Variants in TENM2 observed in about 807,000 individuals in gnomAD.
TENM2 encodes teneurin transmembrane protein 2.
In TENM2, 52 loss-of-function variants were observed where a neutral mutation model predicts 245.2. That is an observed-to-expected ratio of 0.21 (90% CI 0.17 to 0.27). The LOEUF is 0.27. TENM2 is among the 10% of genes least tolerant of loss of function. The pLI, the probability that TENM2 is intolerant of heterozygous loss-of-function variation, is 1.00. For missense variants in TENM2, 3,046 were observed against 3,666.8 expected, an observed-to-expected ratio of 0.83 and a Z score of 4.37; for synonymous variants, 1,363 against 1,438.9, an observed-to-expected ratio of 0.95 and a Z score of 1.19.
rs546349438 is a variant in TENM2, at chr5:167,486,326, C to CT, written c.502+110868dup. Among the ~76,000 whole-genome samples, 960 of 140,474 alleles carry CT rather than the reference C, an allele frequency of 6.8e-3. 21 individuals carry two copies. The South Asian group carries it at 0.083, about 12-fold the overall frequency. The allele number at this position is 140,474 out of a possible 152,430, so 92.2% of individuals were successfully genotyped here. A position where few individuals can be genotyped will look rare whatever the true frequency, so the allele number is the denominator to read the frequency against. Reference sequence around the variant, plus strand: ...TATTTTTGCCATTTCTTTTTCTTTTCTTTTTTTTTTTTTTTCTTTTGAGAC... The same window carrying CT: ...TATTTTTGCCATTTCTTTTTCTTTTCTTTTTTTTTTTTTTTTCTTTTGAGAC... On this transcript the variant is annotated intron_variant, in intron 2 of 28. Coordinates refer to ENST00000518659, the Ensembl canonical transcript of TENM2.
intron 5 of TENM2, among the ~76,000 whole-genome samples, chr5:168,039,260 A>G (rs1254121263): frequency 6.6e-6 from 1 of 152,056 alleles, no homozygotes; most frequent in Non-Finnish European, 1.5e-5. Flanking sequence ...TTTCCTTTGT[A>G]GTCAGTGGTC....
intron 2 of TENM2, among the ~76,000 whole-genome samples, chr5:167,421,766 C>T (rs1194201113): frequency 6.6e-6 from 1 of 152,084 alleles, no homozygotes; most frequent in Non-Finnish European, 1.5e-5. Flanking sequence ...AATTCCTTAT[C>T]ACACTATTTT....
At chr5:167,939,755 T>A (rs1241958410) in intron 3 of TENM2, among the ~76,000 whole-genome samples, 1 of 152,186 alleles carries the variant, frequency 6.6e-6, no homozygotes, top group Non-Finnish European at 1.5e-5. Flanking sequence ...TCTTAGCAAA[T>A]CATCCTCTTT....
chr5:167,642,154 A>AG (rs1371234360), intron 2 of TENM2, among the ~76,000 whole-genome samples: 1 of 150,040 alleles, frequency 6.7e-6, no homozygotes, highest in Non-Finnish European at 1.5e-5. Context: ...AAAAAAAAAA[A>AG]AATATGTATA....
chr5:167,786,009 TA>T (rs2150866206), intron 2 of TENM2, among the ~76,000 whole-genome samples: 1 of 152,356 alleles, frequency 6.6e-6, no homozygotes, highest in South Asian at 2.1e-4. Flanking sequence ...GAATTAATAC[TA>T]CTCATCATTT....
At chr5:168,047,244 G>A (rs924248893) in intron 5 of TENM2, among the ~76,000 whole-genome samples, 183 bp from the exon 8 acceptor site, 5 of 152,178 alleles carry the variant, frequency 3.3e-5, no homozygotes, top group African/African-American at 1.2e-4. Context: ...GCCAGAAGGG[G>A]AGACCTAACC....
chr5:167,238,953 A>G, the TENM2 span, among the ~76,000 whole-genome samples: 1 of 152,202 alleles, frequency 6.6e-6, no homozygotes, highest in Non-Finnish European at 1.5e-5. Context: ...TGAGCATTGC[A>G]TTGAGGTGTA....
chr5:167,855,520 C>G (rs1040026077), intron 2 of TENM2, among the ~76,000 whole-genome samples: 1 of 151,960 alleles, frequency 6.6e-6, no homozygotes, highest in African/African-American at 2.4e-5. Context: ...TTGATTGCCC[C>G]TTCTCTACCC....
At chr5:167,418,791 G>C (rs1763313553) in intron 2 of TENM2, among the ~76,000 whole-genome samples, 1 of 152,108 alleles carries the variant, frequency 6.6e-6, no homozygotes, top group Admixed American at 6.6e-5. Flanking sequence ...ATTTTGAAAA[G>C]CCAAGGATGG....
intron 2 of TENM2, among the ~76,000 whole-genome samples, chr5:167,763,397 C>A (rs546082697): frequency 5.9e-4 from 90 of 152,294 alleles, no homozygotes; most frequent in African/African-American, 2.0e-3. Context: ...AAATGGCAGC[C>A]TCAAGCTCCC....
chr5:167,431,417 A>T (rs566577289), intron 2 of TENM2, among the ~76,000 whole-genome samples: 3 of 152,304 alleles, frequency 2.0e-5, no homozygotes, highest in Admixed American at 2.0e-4. Context: ...TAATTTGGGT[A>T]TCAAGGGGAA....
At chr5:167,686,703 C>T (rs893717247) in intron 2 of TENM2, among the ~76,000 whole-genome samples, 1 of 152,048 alleles carries the variant, frequency 6.6e-6, no homozygotes, top group African/African-American at 2.4e-5. Context: ...ATTTGAAAAA[C>T]CAAAAAGGAT....
intron 4 of TENM2, among the ~76,000 whole-genome samples, chr5:167,956,891 T>C (rs1296678446): frequency 6.6e-6 from 1 of 152,182 alleles, no homozygotes; most frequent in Admixed American, 6.5e-5. Context: ...TTATTGAGGA[T>C]TTTCGCATCG....
chr5:167,074,497 A>G, the TENM2 span, among the ~76,000 whole-genome samples: 1 of 152,216 alleles, frequency 6.6e-6, no homozygotes, highest in African/African-American at 2.4e-5. Context: ...GGTGCAGATT[A>G]TATAATTCCT....
chr5:167,238,694 CA>C, the TENM2 span, among the ~76,000 whole-genome samples: 2,151 of 58,094 alleles, frequency 0.037, 11 homozygotes, highest in Middle Eastern at 0.12. Context: ...ACAGGAGATG[CA>C]AAAAAAAAAA....
chr5:168,061,830 A>T (rs1790062415), intron 6 of TENM2, among the ~76,000 whole-genome samples: 1 of 152,188 alleles, frequency 6.6e-6, no homozygotes, highest in Non-Finnish European at 1.5e-5. Flanking sequence ...GTAATAACAT[A>T]ATTTTAGAAA....
chr5:168,101,541 T>C (rs1052176273), intron 9 of TENM2, among the ~76,000 whole-genome samples: 4 of 152,118 alleles, frequency 2.6e-5, no homozygotes, highest in African/African-American at 9.7e-5. Flanking sequence ...TGTTTTGCAT[T>C]CACCACCTGC....
At chr5:168,238,204 AGGGAGG>A (rs1765703666) in intron 25 of TENM2, among the ~76,000 whole-genome samples, 2 of 44,754 alleles carry the variant, frequency 4.5e-5, no homozygotes, top group African/African-American at 1.7e-4. Context: ...GGAGGGAGGG[AGGGAGG>A]GAGGGAGAGA....
At chr5:167,897,432 A>C (rs1775308847) in intron 3 of TENM2, among the ~76,000 whole-genome samples, 1 of 152,216 alleles carries the variant, frequency 6.6e-6, no homozygotes. Context: ...TGTAACACAG[A>C]TGCTTAGAAA....
Sources: gnomAD v4.1 joint callset for allele counts (sites outside exome capture counted in the v4.1 genomes callset) on GRCh38, gnomAD v4.1.1 for gene constraint, MANE v1.5 for transcripts, NCBI Gene and HGNC (gene_info 2026-07-23, HGNC 2026-07-21) for gene names.